Variants in MYO16 observed in about 807,000 individuals in gnomAD.
MYO16 encodes myosin XVI, also known as unconventional myosin-XVI.
MYO16 carries 94 observed loss-of-function variants against 205.3 expected under a neutral mutation model. That is an observed-to-expected ratio of 0.46 (90% CI 0.39 to 0.54). The LOEUF is 0.54. Among genes scored for constraint, MYO16 ranks in the 20% least tolerant of loss-of-function variants. The pLI is 0.00. For synonymous variants in MYO16, 988 were observed against 954.0 expected, an observed-to-expected ratio of 1.04 and a Z score of -0.66; for missense variants, 2,315 against 2,387.5, an observed-to-expected ratio of 0.97 and a Z score of 0.63.
intron 31 of MYO16, among the ~76,000 whole-genome samples, chr13:109,128,835 A>G (rs1430085698): frequency 1.4e-5 from 2 of 146,276 alleles, no homozygotes; most frequent in East Asian, 4.0e-4. Flanking sequence ...GCAATGGCAC[A>G]ATCTCAGCTC....
At chr13:108,544,066 CAAAAAAA>C in the MYO16 span, among the ~76,000 whole-genome samples, 51 of 51,384 alleles carry the variant, frequency 9.9e-4, no homozygotes, top group African/African-American at 2.5e-3. Context: ...ACTCCGTCTC[CAAAAAAA>C]AAAAAAAAAA....
chr13:109,165,068 T>C lies in MYO16; in HGVS notation c.5323+9T>C. The C allele has an allele frequency of 6.3e-7, 1 of 1,584,096 alleles. No individual in the cohort carries two copies. The highest frequency in any genetic ancestry group is 1.2e-5 in the South Asian group (1 of 85,782). On this transcript the variant is annotated intron_variant, in intron 33 of 34. Coordinates refer to ENST00000457511, the MANE Select transcript of MYO16 (RefSeq NM_001198950.3). Reference sequence around the variant, plus strand: ...AAATTCCATCTCAAATGGTAAGCACTTTTTAAACTCAGAAGTAAATGTACA... The same window carrying C: ...AAATTCCATCTCAAATGGTAAGCACCTTTTAAACTCAGAAGTAAATGTACA...
intron 34 of MYO16, among the ~76,000 whole-genome samples, chr13:109,203,365 A>G (rs1302556032): frequency 1.3e-5 from 2 of 152,130 alleles, no homozygotes; most frequent in East Asian, 3.9e-4. Flanking sequence ...AAAGCCAAAC[A>G]ATCTTATCAC....
In MYO16 at chr13:108,988,441, T is replaced by G. The variant is rs529814738; in HGVS notation, c.2370-3935T>G. 1.8e-3 allele frequency among the ~76,000 whole-genome samples: 248 copies of G among 136,586 alleles called. 1 individual carries two copies. The highest frequency in any genetic ancestry group is 6.9e-3 in the African/African-American group (238 of 34,688). The allele number at this position is 136,586 out of a possible 152,430, so 89.6% of individuals were successfully genotyped here. ...TTTTCTCCTGACAATGGAATTTTCTTTTTTTTTTAAAACCAAATATGTTTG... is the reference window on the plus strand; with the variant it reads ...TTTTCTCCTGACAATGGAATTTTCTGTTTTTTTTAAAACCAAATATGTTTG... On this transcript the variant is annotated intron_variant, in intron 20 of 34. Coordinates refer to ENST00000457511, the MANE Select transcript of MYO16 (RefSeq NM_001198950.3).
chr13:109,089,800 C>T lies in MYO16; in HGVS notation c.3336-10985C>T, dbSNP rs187436792. Among the ~76,000 whole-genome samples the T allele has an allele frequency of 7.4e-4, 112 of 152,316 alleles. 1 individual carries two copies. Among genetic ancestry groups the T allele is most frequent in the Admixed American group, 6.9e-3 (106 of 15,304 alleles). ...ATATCACACCTGGAATTTATGGGCACTCTATAAATCTTCCTTTGTTTTCCT... is the reference window on the plus strand; with the variant it reads ...ATATCACACCTGGAATTTATGGGCATTCTATAAATCTTCCTTTGTTTTCCT... On this transcript the variant is annotated intron_variant, in intron 27 of 34. Transcript: ENST00000457511.
chr13:108,759,768 C>G (rs561985755), intron 4 of MYO16, among the ~76,000 whole-genome samples: 2 of 149,624 alleles, frequency 1.3e-5, no homozygotes, highest in Non-Finnish European at 3.0e-5. Flanking sequence ...TGCAGTGAGC[C>G]GAGATCGCGC....
chr13:109,149,552 A>G (rs1012960652), intron 32 of MYO16, among the ~76,000 whole-genome samples: 11 of 152,228 alleles, frequency 7.2e-5, no homozygotes, highest in African/African-American at 2.7e-4. Flanking sequence ...AATTAAAATA[A>G]TGATACAAGG....
At chr13:108,501,150 C>T in the MYO16 span, among the ~76,000 whole-genome samples, 5 of 152,296 alleles carry the variant, frequency 3.3e-5, no homozygotes, top group East Asian at 1.9e-4. Flanking sequence ...CTTAGTGTAT[C>T]GCGCTTATTG....
the MYO16 span, among the ~76,000 whole-genome samples, chr13:108,542,808 A>G: frequency 3.3e-3 from 503 of 152,138 alleles, 10 homozygotes; most frequent in South Asian, 0.056. Context: ...GGAAAATGTG[A>G]GAAAGCCCAT....
chr13:108,983,803 G>A (rs554657072), intron 20 of MYO16, among the ~76,000 whole-genome samples: 17 of 152,228 alleles, frequency 1.1e-4, no homozygotes, highest in Middle Eastern at 3.4e-3. Flanking sequence ...TAATTGACAG[G>A]TTGAAATTGT....
At chr13:108,652,783 G>A (rs1000974322) in intron 1 of MYO16, among the ~76,000 whole-genome samples, 4 of 152,208 alleles carry the variant, frequency 2.6e-5, no homozygotes, top group Admixed American at 2.0e-4. Flanking sequence ...ACCATGTTTT[G>A]TTTATCCATT....
At chr13:109,114,064 A>G (rs1168064301) in intron 28 of MYO16, among the ~76,000 whole-genome samples, 1 of 152,186 alleles carries the variant, frequency 6.6e-6, no homozygotes. Flanking sequence ...AACTCTGAGG[A>G]TAGCTAACTT....
intron 1 of MYO16, among the ~76,000 whole-genome samples, chr13:108,656,468 G>T (rs1320235866): frequency 6.6e-6 from 1 of 152,096 alleles, no homozygotes; most frequent in Non-Finnish European, 1.5e-5. Context: ...AATATACCAG[G>T]TCAGCGGGGG....
intron 34 of MYO16, among the ~76,000 whole-genome samples, chr13:109,201,226 C>T (rs1377363199): frequency 2.0e-5 from 3 of 152,118 alleles, no homozygotes; most frequent in Non-Finnish European, 4.4e-5. Context: ...AGACAACATG[C>T]ATCCTTTACT....
At chr13:108,725,980 G>A (rs995940690) in intron 3 of MYO16, among the ~76,000 whole-genome samples, 9 of 152,072 alleles carry the variant, frequency 5.9e-5, no homozygotes, top group African/African-American at 2.2e-4. Flanking sequence ...GATTCAAGCA[G>A]GAAGGTACAT....
chr13:109,124,144 T>C (rs1876126647), intron 29 of MYO16, among the ~76,000 whole-genome samples: 1 of 152,224 alleles, frequency 6.6e-6, no homozygotes. Context: ...TGAGGCAGCC[T>C]GATCCACTTC....
rs868532026 is a variant in MYO16, at chr13:109,023,266, G to A, written c.2796+3355G>A. Among the ~76,000 whole-genome samples, 154 of 78,412 alleles carry A rather than the reference G, an allele frequency of 2.0e-3. 2 individuals carry two copies. The highest frequency in any genetic ancestry group is 7.9e-3 in the African/African-American group (146 of 18,370). The allele number at this position is 78,412 out of a possible 152,430, so 51.4% of individuals were successfully genotyped here. On this transcript the variant is annotated intron_variant, in intron 23 of 34. Transcript: ENST00000457511. Reference sequence around the variant, plus strand: ...AATATATATATTTATATATTATACAGATATAAATATATATATTTATATATT... The same window carrying A: ...AATATATATATTTATATATTATACAAATATAAATATATATATTTATATATT...
At position 108,602,519 on chromosome 13, in the gene MYO16, A is replaced by G. The variant is rs559992423; in HGVS notation, c.-39+6280A>G. ...CCAAGGGAATTTTTTGAAAATCAAC[A>G]TAGTCATAGAATATGTCACTAATAA... On this transcript the variant is annotated intron_variant, in intron 1 of 24. Transcript: ENST00000251041. 6.2e-4 allele frequency among the ~76,000 whole-genome samples: 94 copies of G among 152,346 alleles called. 1 individual carries two copies. In the South Asian group the frequency reaches 0.019, roughly 31 times the overall value.
At chr13:109,145,256 G>T (rs1877275296) in intron 32 of MYO16, among the ~76,000 whole-genome samples, 1 of 152,156 alleles carries the variant, frequency 6.6e-6, no homozygotes, top group African/African-American at 2.4e-5. Flanking sequence ...CTTGCTCAAA[G>T]CTGCTGTGCT....
Sources: allele counts gnomAD v4.1 joint callset (sites outside exome capture counted in the v4.1 genomes callset), GRCh38; gene constraint gnomAD v4.1.1; transcripts MANE v1.5; gene names NCBI Gene and HGNC (gene_info 2026-07-23, HGNC 2026-07-21).